Variants in FZD3 observed in about 807,000 individuals in gnomAD.
The protein encoded by FZD3 is frizzled class receptor 3, also known as frizzled-3.
FZD3 carries 30 observed loss-of-function variants against 60.7 expected under a neutral mutation model. The observed-to-expected ratio is 0.49, with a 90% CI of 0.37 to 0.67. The LOEUF (loss-of-function observed/expected upper bound fraction) is 0.67. Among genes scored for constraint, FZD3 ranks in the 30% least tolerant of loss-of-function variants. The probability of loss-of-function intolerance (pLI) is 0.00; values close to 1 mark genes in which losing one functional copy is unlikely to be tolerated. For missense variants in FZD3, 605 were observed against 838.7 expected, an observed-to-expected ratio of 0.72 and a Z score of 3.44; for synonymous variants, 246 against 275.2, an observed-to-expected ratio of 0.89 and a Z score of 1.05.
At chr8:28,500,521 CTTG>C (rs1271771848) in intron 2 of FZD3, among the ~76,000 whole-genome samples, 2 of 152,120 alleles carry the variant, frequency 1.3e-5, no homozygotes, top group South Asian at 2.1e-4. Context: ...TTTTGAAATT[CTTG>C]TTGTTACTAT....
At position 28,551,618 on chromosome 8, in the gene FZD3, C is replaced by T. The variant is rs930901306; in HGVS notation, c.1420C>T (p.Arg474Cys). Reference protein sequence around the residue: ...PCPYQVTQMSRPDLILFLMKY... With the variant: ...PCPYQVTQMSCPDLILFLMKY... ...GTTCTTCCAGGTTACTCAAATGAGTCGTCCAGACTTGATTCTCTTTCTGAT... is the reference window on the plus strand; with the variant it reads ...GTTCTTCCAGGTTACTCAAATGAGTTGTCCAGACTTGATTCTCTTTCTGAT... The change falls in exon 6 of 8, where the codon CGT becomes TGT. Residue 474 changes from arginine (R) to cysteine (C), a missense_variant. Coordinates refer to ENST00000240093, the MANE Select transcript of FZD3 (RefSeq NM_017412.4). 1 of 1,606,070 alleles carries T rather than the reference C, an allele frequency of 6.2e-7. No homozygotes were observed. The highest frequency in any genetic ancestry group is 1.3e-5 in the African/African-American group (1 of 74,782).
At chr8:28,535,196 G>A (rs991824880) in intron 5 of FZD3, among the ~76,000 whole-genome samples, 2 of 152,002 alleles carry the variant, frequency 1.3e-5, no homozygotes, top group African/African-American at 4.8e-5. Flanking sequence ...TAAAATGAGT[G>A]TTCTCGCTGA....
rs75070213 is a variant in FZD3 at position 28,542,018 on chromosome 8, A to G, written c.1405-9585A>G. On this transcript the variant is annotated intron_variant, in intron 5 of 7. Transcript: ENST00000240093. ...CACAGTAGCCAGAGCAAGTTTTAAA[A>G]ACATAAGCGAGATCATGTTGCTGGT... Among the ~76,000 whole-genome samples the G allele has an allele frequency of 8.5e-3, 1,296 of 152,092 alleles. 21 individuals carry two copies. The highest frequency in any genetic ancestry group is 0.03 in the African/African-American group (1,224 of 41,480).
chr8:28,509,990 T>A (rs1213237761), intron 3 of FZD3, among the ~76,000 whole-genome samples: 1 of 152,240 alleles, frequency 6.6e-6, no homozygotes, highest in Admixed American at 6.5e-5. Context: ...CCATGTTTAA[T>A]TTTTTGAAGA....
At chr8:28,557,469 G>A (rs573595723) in intron 7 of FZD3, among the ~76,000 whole-genome samples, 1 of 151,974 alleles carries the variant, frequency 6.6e-6, no homozygotes, top group Non-Finnish European at 1.5e-5. Context: ...CCGATTCTCT[G>A]TACTTTTCTT....
chr8:28,499,300 T>A (rs929697090), intron 1 of FZD3, among the ~76,000 whole-genome samples: 3 of 152,326 alleles, frequency 2.0e-5, no homozygotes, highest in Admixed American at 2.0e-4. Context: ...TAAATTTTAT[T>A]TTTTATTTAT....
intron 5 of FZD3, among the ~76,000 whole-genome samples, chr8:28,547,146 C>A (rs1464297734): frequency 6.6e-6 from 1 of 152,118 alleles, no homozygotes; most frequent in Non-Finnish European, 1.5e-5. Flanking sequence ...CACGCGTGTA[C>A]AAACAAGTAT....
chr8:28,498,817 C>T (rs151334428), intron 1 of FZD3, among the ~76,000 whole-genome samples: 2,035 of 152,260 alleles, frequency 0.013, 42 homozygotes, highest in South Asian at 0.076. Flanking sequence ...TGCATGCCTT[C>T]GTCTCCCAAA....
At chr8:28,541,755 G>C (rs1805172901) in intron 5 of FZD3, among the ~76,000 whole-genome samples, 1 of 152,104 alleles carries the variant, frequency 6.6e-6, no homozygotes, top group South Asian at 2.1e-4. Flanking sequence ...TCTCAAATCT[G>C]CTTCCTGCAT....
At chr8:28,550,173 T>G (rs1345307236) in intron 5 of FZD3, among the ~76,000 whole-genome samples, 1 of 152,102 alleles carries the variant, frequency 6.6e-6, no homozygotes, top group Non-Finnish European at 1.5e-5. Flanking sequence ...ACAACTTTAT[T>G]TCTTCTATAA....
chr8:28,506,273 C>T lies in FZD3; in HGVS notation c.189+3071C>T, dbSNP rs148231199. 3.3e-5 allele frequency among the ~76,000 whole-genome samples: 5 copies of T among 152,272 alleles called. No homozygotes were observed. The East Asian group carries it at 9.6e-4, about 29-fold the overall frequency. ...GACGGGAACAGATTAGTGGAAGAAG[C>T]ACTAGAATAGGGATAGGAGACTTGT... On this transcript the variant is annotated intron_variant, in intron 3 of 7. Transcript: ENST00000240093.
chr8:28,552,083 C>G (rs1181442948), intron 6 of FZD3, among the ~76,000 whole-genome samples: 4 of 152,096 alleles, frequency 2.6e-5, no homozygotes, highest in Non-Finnish European at 5.9e-5. Flanking sequence ...TCTGATCTTC[C>G]TGATATTCCT....
At chr8:28,511,419 A>G (rs1196018144) in intron 3 of FZD3, among the ~76,000 whole-genome samples, 1 of 152,198 alleles carries the variant, frequency 6.6e-6, no homozygotes, top group Non-Finnish European at 1.5e-5. Flanking sequence ...CGGGAGGCGG[A>G]GGTTGCAGTG....
intron 3 of FZD3, among the ~76,000 whole-genome samples, chr8:28,520,218 C>CCACA (rs1804539959): frequency 1.7e-5 from 1 of 58,138 alleles, no homozygotes; most frequent in African/African-American, 8.7e-5. Context: ...TCAAAAAAAA[C>CCACA]AACAAAAAAA....
At chr8:28,530,615 T>G (rs1446662836) in intron 5 of FZD3, 2 of 152,164 alleles carry the variant, frequency 1.3e-5, no homozygotes, top group Non-Finnish European at 2.9e-5. Context: ...AGTACTAAGC[T>G]TTAGCAAATG....
At chr8:28,496,767 G>A (rs1041132693) in intron 1 of FZD3, among the ~76,000 whole-genome samples, 8 of 152,282 alleles carry the variant, frequency 5.3e-5, no homozygotes, top group South Asian at 2.1e-4. Context: ...GTATATTCAA[G>A]GAGTGTATTG....
intron 5 of FZD3, among the ~76,000 whole-genome samples, chr8:28,532,849 C>A (rs1804914261): frequency 6.6e-6 from 1 of 152,150 alleles, no homozygotes; most frequent in Non-Finnish European, 1.5e-5. Flanking sequence ...GTCTCACTTG[C>A]TTTCCAATTT....
At chr8:28,518,720 G>A (rs559752794) in intron 3 of FZD3, among the ~76,000 whole-genome samples, 16 of 152,182 alleles carry the variant, frequency 1.1e-4, no homozygotes, top group African/African-American at 3.9e-4. Flanking sequence ...TGTCTCTATA[G>A]CCTCACAAGA....
intron 5 of FZD3, among the ~76,000 whole-genome samples, chr8:28,546,691 C>T (rs369131664): frequency 1.4e-4 from 22 of 151,868 alleles, no homozygotes; most frequent in African/African-American, 4.8e-4. Context: ...TTTAATGGTT[C>T]GAGGCTGGGC....
Sources: allele counts gnomAD v4.1 joint callset (sites outside exome capture counted in the v4.1 genomes callset), GRCh38; gene constraint gnomAD v4.1.1; transcripts MANE v1.5; gene names NCBI Gene and HGNC (gene_info 2026-07-23, HGNC 2026-07-21).